BCAS1: variants seen among roughly 807,000 people sequenced by gnomAD.
BCAS1 encodes breast carcinoma-amplified sequence 1.
Under a neutral mutation model 65.4 loss-of-function variants are expected in BCAS1, and 46 were observed. The observed-to-expected ratio is 0.70, with a 90% CI of 0.55 to 0.90. The LOEUF (loss-of-function observed/expected upper bound fraction) is 0.90. BCAS1 is among the 40% of genes least tolerant of loss of function. BCAS1 has a pLI of 0.00. For synonymous variants in BCAS1, 298 were observed against 293.5 expected (o/e 1.02, Z -0.16); for missense variants, 793 against 771.2 (o/e 1.03, Z -0.33).
intron 4 of BCAS1, among the ~76,000 whole-genome samples, chr20:54,017,270 A>G (rs900734389): frequency 6.6e-6 from 1 of 152,192 alleles, no homozygotes; most frequent in African/African-American, 2.4e-5. Context: ...TGGGTAGAGA[A>G]TTAAGCAATA....
chr20:53,992,604 T>A lies in BCAS1; in HGVS notation c.970A>T (p.Lys324Ter), dbSNP rs2090790692. ...CCTCTAGCCTGGATCTCGGATGTCT[T>A]CTGACCAGCTTGTCCATCACAGACA... ...ESVCDGQAGQ[K>*]TSEIQARGTK... The change falls in exon 7 of 13, where the codon AAG becomes TAG. Residue 324 changes from lysine to a stop codon, truncating the protein, a stop_gained. Coordinates refer to ENST00000688948, the MANE Select transcript of BCAS1 (RefSeq NM_001366298.2). LOFTEE classifies it high-confidence loss of function. 1.5e-6 allele frequency: 2 copies of A among 1,365,920 alleles called. No homozygotes were observed. The highest frequency in any genetic ancestry group is 2.0e-6 in the Non-Finnish European group (2 of 1,021,786). 84.6% of individuals were successfully genotyped at this position (1,365,920 alleles called of 1,614,324 possible). A position where few individuals can be genotyped will look rare whatever the true frequency, so the allele number is the denominator to read the frequency against.
chr20:53,967,694 G>T (rs1489557951), intron 9 of BCAS1, among the ~76,000 whole-genome samples: 2 of 152,228 alleles, frequency 1.3e-5, no homozygotes, highest in Non-Finnish European at 2.9e-5. Context: ...TGGCTAAGTT[G>T]TTCGCGGCCC....
At chr20:53,960,606 A>G (rs928323579) in intron 10 of BCAS1, among the ~76,000 whole-genome samples, 7 of 152,000 alleles carry the variant, frequency 4.6e-5, no homozygotes, top group Admixed American at 2.0e-4. Context: ...TACACTTAGA[A>G]TCTTATTAAA....
At chr20:53,951,050 C>T (rs144987903) in intron 12 of BCAS1, among the ~76,000 whole-genome samples, 2 of 152,216 alleles carry the variant, frequency 1.3e-5, no homozygotes, top group East Asian at 3.9e-4. Context: ...TTTTCCATAC[C>T]ATCTTTCTTT....
In BCAS1 at chr20:53,943,629, C is replaced by T. The variant is rs1458448316; in HGVS notation, c.*1293G>A. On this transcript the variant is annotated 3_prime_UTR_variant, in exon 13 of 13. Transcript: ENST00000688948. ...GTCAATCATATGCTACTTTGAATTACATTTTAATAGACTCAGGGTCCTATT... is the reference window on the plus strand; with the variant it reads ...GTCAATCATATGCTACTTTGAATTATATTTTAATAGACTCAGGGTCCTATT... The T allele has an allele frequency of 1.3e-5, 2 of 152,206 alleles. No individual in the cohort carries two copies. The highest frequency in any genetic ancestry group is 4.8e-5 in the African/African-American group (2 of 41,448). 9.4% of individuals were successfully genotyped at this position (152,206 alleles called of 1,614,324 possible).
chr20:54,045,323 T>C (rs761913597), intron 3 of BCAS1, among the ~76,000 whole-genome samples: 26 of 152,138 alleles, frequency 1.7e-4, no homozygotes, highest in Non-Finnish European at 3.2e-4. Context: ...CTGAATGAAT[T>C]ATAGTATGTC....
In BCAS1 at chr20:53,966,996, T is replaced by C. The variant is rs1188623184; in HGVS notation, c.1395A>G (p.Glu465=). ...CTGTGGGTTCAGGTGCAGCATCTCC[T>C]TCGTTGAGGTCCACTGTTTGTAAGG... ...ESALQTVDLN[E]GDAAPEPTEA... Residue 465 remains glutamate, a synonymous_variant, in exon 10 of 13, where the codon GAA becomes GAG. Transcript: ENST00000688948. The C allele has an allele frequency of 6.2e-7, 1 of 1,613,276 alleles. No homozygotes were observed. Among genetic ancestry groups the C allele is most frequent in the Non-Finnish European group, 8.5e-7 (1 of 1,179,710 alleles).
intron 1 of BCAS1, among the ~76,000 whole-genome samples, chr20:54,059,022 C>T (rs1180467989): frequency 1.3e-5 from 2 of 152,106 alleles, no homozygotes; most frequent in African/African-American, 4.8e-5. Flanking sequence ...AGAATGAGTG[C>T]GAGCTGGGGA....
At chr20:53,955,468 A>G (rs2089671510) in intron 11 of BCAS1, among the ~76,000 whole-genome samples, 1 of 152,252 alleles carries the variant, frequency 6.6e-6, no homozygotes, top group South Asian at 2.1e-4. Flanking sequence ...CAGAAACCAG[A>G]GATCCCAGTT....
intron 4 of BCAS1, among the ~76,000 whole-genome samples, chr20:54,011,840 G>C (rs208645): frequency 4.6e-5 from 7 of 152,108 alleles, no homozygotes; most frequent in African/African-American, 1.7e-4. Flanking sequence ...CTGGGCAACA[G>C]AGCAAGATCC....
intron 4 of BCAS1, among the ~76,000 whole-genome samples, chr20:54,006,674 C>T (rs1221993204): frequency 6.7e-6 from 1 of 150,144 alleles, no homozygotes; most frequent in Non-Finnish European, 1.5e-5. Flanking sequence ...CGCACCACTG[C>T]ACTCCAGCCT....
chr20:53,960,816 C>G (rs1441122839), intron 10 of BCAS1, among the ~76,000 whole-genome samples: 3 of 152,096 alleles, frequency 2.0e-5, no homozygotes, highest in African/African-American at 7.2e-5. Flanking sequence ...TTCAAAGGAA[C>G]CATAAACATA....
intron 3 of BCAS1, among the ~76,000 whole-genome samples, chr20:54,045,959 G>T (rs1218359099): frequency 1.3e-5 from 2 of 152,148 alleles, no homozygotes; most frequent in Non-Finnish European, 2.9e-5. Flanking sequence ...TTGTTAGCTT[G>T]GGTGTCCTTG....
chr20:53,972,331 C>A (rs188339930), intron 9 of BCAS1, among the ~76,000 whole-genome samples: 15 of 152,358 alleles, frequency 9.8e-5, no homozygotes, highest in Middle Eastern at 3.4e-3. Context: ...CACATGGACA[C>A]TGAGTCAGCT....
At chr20:54,045,210 CAAAA>C (rs11086447) in intron 3 of BCAS1, among the ~76,000 whole-genome samples, 1 of 136,122 alleles carries the variant, frequency 7.3e-6, no homozygotes, top group African/African-American at 2.7e-5. Context: ...GACCTCATCT[CAAAA>C]AAAAAAAAAA....
intron 4 of BCAS1, among the ~76,000 whole-genome samples, chr20:54,021,310 A>G (rs1266430896): frequency 6.6e-6 from 1 of 151,592 alleles, no homozygotes; most frequent in African/African-American, 2.4e-5. Flanking sequence ...ATATCACAAT[A>G]GAGTCACACA....
At chr20:54,054,335 A>G (rs1409185430) in intron 3 of BCAS1, among the ~76,000 whole-genome samples, 1 of 152,212 alleles carries the variant, frequency 6.6e-6, no homozygotes, top group Admixed American at 6.5e-5. Flanking sequence ...ACAGTCAACT[A>G]GATTTCTATT....
At chr20:53,975,104 CT>C (rs1281767069) in intron 9 of BCAS1, among the ~76,000 whole-genome samples, 1 of 152,196 alleles carries the variant, frequency 6.6e-6, no homozygotes, top group Non-Finnish European at 1.5e-5. Flanking sequence ...AAGCGCAAAG[CT>C]GTTCTTACGT....
chr20:54,054,328 G>A (rs1278991317), intron 3 of BCAS1, among the ~76,000 whole-genome samples: 3 of 152,066 alleles, frequency 2.0e-5, no homozygotes, highest in African/African-American at 4.8e-5. Context: ...AAACCAAACA[G>A]TCAACTAGAT....
Sources: gnomAD v4.1 joint callset for allele counts (sites outside exome capture counted in the v4.1 genomes callset) on GRCh38, gnomAD v4.1.1 for gene constraint, MANE v1.5 for transcripts, NCBI Gene and HGNC (gene_info 2026-07-23, HGNC 2026-07-21) for gene names.